Variants in COL13A1 observed in about 807,000 individuals in gnomAD.
COL13A1 encodes collagen type XIII alpha 1 chain.
In COL13A1, 89 loss-of-function variants were observed where a neutral mutation model predicts 130.9. The ratio of observed to expected loss-of-function variants is 0.68; its 90% CI spans 0.57 to 0.81. The LOEUF (loss-of-function observed/expected upper bound fraction) is 0.81, where lower values mean the gene tolerates loss of function less well. COL13A1 is among the 30% of genes least tolerant of loss of function. The pLI is 0.00. For missense variants in COL13A1, 879 were observed against 934.6 expected, an observed-to-expected ratio of 0.94 and a Z score of 0.78; for synonymous variants, 402 against 341.6, an observed-to-expected ratio of 1.18 and a Z score of -1.95.
intron 17 of COL13A1, among the ~76,000 whole-genome samples, chr10:69,907,159 A>G (rs1217370403): frequency 6.6e-6 from 1 of 152,228 alleles, no homozygotes; most frequent in Non-Finnish European, 1.5e-5. Context: ...AGCAATAATA[A>G]TTTTATGGTA....
intron 1 of COL13A1, among the ~76,000 whole-genome samples, chr10:69,808,706 T>G (rs1842212110): frequency 6.6e-6 from 1 of 152,270 alleles, no homozygotes; most frequent in Non-Finnish European, 1.5e-5. Context: ...AGAGGCATGC[T>G]GTCTTGGGTC....
intron 21 of COL13A1, 27 bp from the exon 22 acceptor site, chr10:69,921,855 C>T (rs1367908095): frequency 1.3e-6 from 2 of 1,595,526 alleles, no homozygotes; most frequent in East Asian, 2.3e-5. Flanking sequence ...AGTTCCTAAC[C>T]CCCACACTGT....
At chr10:69,925,933 C>G in intron 26 of COL13A1, 61 bp downstream of exon 26, 1 of 1,401,426 alleles carries the variant, frequency 7.1e-7, no homozygotes, top group South Asian at 1.2e-5. Context: ...GCACCATGCC[C>G]TGATCAGGGG....
chr10:69,878,206 C>T lies in COL13A1; in HGVS notation c.462+141C>T, dbSNP rs572429953. 111 of 634,098 alleles carry T rather than the reference C, an allele frequency of 1.8e-4. No homozygotes were observed. The East Asian group carries it at 2.6e-3, about 15-fold the overall frequency. 39.3% of individuals were successfully genotyped at this position (634,098 alleles called of 1,614,324 possible). Reference sequence around the variant, plus strand: ...GGCCTGCTGCCCTCACTGCCTCTCACGGCCCCGTTTCCTAACAGCTTCCAT... The same window carrying T: ...GGCCTGCTGCCCTCACTGCCTCTCATGGCCCCGTTTCCTAACAGCTTCCAT... On this transcript the variant is annotated intron_variant, in intron 6 of 40. Coordinates refer to ENST00000645393, the MANE Select transcript of COL13A1 (RefSeq NM_001368882.1).
At chr10:69,816,160 G>A (rs984926128) in intron 1 of COL13A1, among the ~76,000 whole-genome samples, 13 of 149,644 alleles carry the variant, frequency 8.7e-5, no homozygotes, top group Non-Finnish European at 1.6e-4. Flanking sequence ...GCATTCGTTA[G>A]AAGGTTATCA....
intron 38 of COL13A1, 26 bp downstream of exon 38, chr10:69,947,368 C>T: frequency 6.3e-7 from 1 of 1,597,292 alleles, no homozygotes; most frequent in South Asian, 1.1e-5. Context: ...TGCACTCGTG[C>T]TCTAGTTACT....
intron 35 of COL13A1, among the ~76,000 whole-genome samples, chr10:69,943,530 G>A (rs939059091): frequency 5.3e-5 from 8 of 152,050 alleles, no homozygotes; most frequent in African/African-American, 1.4e-4. Flanking sequence ...CTGCCAGGCC[G>A]GTGTCGGTGC....
chr10:69,909,177 C>T (rs934557109), intron 17 of COL13A1, among the ~76,000 whole-genome samples: 6 of 152,170 alleles, frequency 3.9e-5, no homozygotes, highest in African/African-American at 1.2e-4. Flanking sequence ...TTTGAACCTT[C>T]GTCCATGTCT....
At chr10:69,954,649 G>C (rs767883397) in intron 39 of COL13A1, among the ~76,000 whole-genome samples, 2 of 152,186 alleles carry the variant, frequency 1.3e-5, no homozygotes, top group African/African-American at 4.8e-5. Flanking sequence ...ATCGTGGGTC[G>C]CTGCCCAGGT....
At chr10:69,835,216 C>T (rs1447510289) in intron 2 of COL13A1, among the ~76,000 whole-genome samples, 1 of 152,172 alleles carries the variant, frequency 6.6e-6, no homozygotes, top group Non-Finnish European at 1.5e-5. Flanking sequence ...ACCACCTGCT[C>T]TGCCCTGAAG....
chr10:69,804,809 C>CAAAAAAAAAAAAAAAAAA (rs57098368), intron 1 of COL13A1, among the ~76,000 whole-genome samples: 35 of 75,386 alleles, frequency 4.6e-4, no homozygotes, highest in Non-Finnish European at 5.7e-4. Context: ...ATGTCGTGTG[C>CAAAAAAAAAAAAAAAAAA]AAAAAAAAAA....
intron 10 of COL13A1, among the ~76,000 whole-genome samples, chr10:69,893,279 G>C (rs1404109505): frequency 6.6e-6 from 1 of 152,238 alleles, no homozygotes; most frequent in African/African-American, 2.4e-5. Context: ...CTGAACCCAG[G>C]AGGCAGAGGC....
intron 21 of COL13A1, among the ~76,000 whole-genome samples, chr10:69,920,175 C>T (rs2064452233): frequency 6.6e-6 from 1 of 152,228 alleles, no homozygotes; most frequent in African/African-American, 2.4e-5. Context: ...AGCTGCTACC[C>T]TGGGGCAGGT....
At chr10:69,932,447 G>C (rs559660369) in intron 30 of COL13A1, 113 bp from the exon 31 acceptor site, 41 of 682,474 alleles carry the variant, frequency 6.0e-5, no homozygotes, top group Middle Eastern at 4.0e-4. Context: ...GGTGTTCCTT[G>C]TTGACCCCTA....
chr10:69,832,167 A>T (rs1374610601), intron 2 of COL13A1, among the ~76,000 whole-genome samples: 1 of 152,182 alleles, frequency 6.6e-6, no homozygotes, highest in Non-Finnish European at 1.5e-5. Context: ...GCCTACTCCT[A>T]CTTCCCTGAT....
chr10:69,802,354 GC>G lies in COL13A1; in HGVS notation c.-68del. 1 of 1,380,606 alleles carries G rather than the reference GC, an allele frequency of 7.2e-7. No homozygotes were observed. The highest frequency in any genetic ancestry group is 1.5e-5 in the African/African-American group (1 of 65,082). 85.5% of individuals were successfully genotyped at this position (1,380,606 alleles called of 1,614,324 possible). On this transcript the variant is annotated 5_prime_UTR_variant, in exon 1 of 41. Transcript: ENST00000645393. Reference sequence around the variant, plus strand: ...CCCCCTGCCCCGCAGTTTGGATAGAGCCTTTTGGCAGCGGCTGTCGCCTTTA... The same window carrying G: ...CCCCCTGCCCCGCAGTTTGGATAGAGCTTTTGGCAGCGGCTGTCGCCTTTA...
At chr10:69,859,173 T>C (rs1482116683) in intron 2 of COL13A1, among the ~76,000 whole-genome samples, 2 of 152,176 alleles carry the variant, frequency 1.3e-5, no homozygotes, top group Admixed American at 1.3e-4. Context: ...TGCTTGGCGC[T>C]GGTAAGAGGT....
chr10:69,824,044 T>C (rs1384124152), intron 2 of COL13A1: 5 of 468,240 alleles, frequency 1.1e-5, no homozygotes, highest in Non-Finnish European at 2.2e-5. Flanking sequence ...GGGCAGGATA[T>C]TTGAAGCCAC....
rs142556683 is a variant in COL13A1, at chr10:69,923,671, G to A, written c.1231-131G>A. On this transcript the variant is annotated intron_variant, in intron 23 of 40. Coordinates refer to ENST00000645393, the MANE Select transcript of COL13A1 (RefSeq NM_001368882.1). Reference sequence around the variant, plus strand: ...AGTCAGGGAGGTGGAAGAGTGGGAGGTGCAGAAGCCATCAGGGAAAGAGAA... The same window carrying A: ...AGTCAGGGAGGTGGAAGAGTGGGAGATGCAGAAGCCATCAGGGAAAGAGAA... 1.4e-3 allele frequency: 1,612 copies of A among 1,190,090 alleles called. 4 individuals are homozygous for A. The highest frequency in any genetic ancestry group is 2.5e-3 in the Middle Eastern group (13 of 5,124). 73.7% of individuals were successfully genotyped at this position (1,190,090 alleles called of 1,614,324 possible).
Sources: allele counts gnomAD v4.1 joint callset (sites outside exome capture counted in the v4.1 genomes callset), GRCh38; gene constraint gnomAD v4.1.1; transcripts MANE v1.5; gene names NCBI Gene and HGNC (gene_info 2026-07-23, HGNC 2026-07-21).